The following CNTN4 variants were observed in gnomAD, a reference collection of about 807,000 sequenced individuals.
The protein encoded by CNTN4 is contactin 4.
A neutral mutation model predicts 122.5 loss-of-function variants in CNTN4; 77 were observed. That is an observed-to-expected ratio of 0.63 (90% CI 0.52 to 0.76). The LOEUF (loss-of-function observed/expected upper bound fraction) is 0.76. CNTN4 is among the 30% of genes least tolerant of loss of function. The probability of loss-of-function intolerance (pLI) is 0.00; values close to 1 mark genes in which losing one functional copy is unlikely to be tolerated. For missense variants in CNTN4, 1,256 were observed against 1,259.1 expected (o/e 1.00, Z 0.04); for synonymous variants, 512 against 447.0 (o/e 1.15, Z -1.83).
At chr3:2,417,689 C>T (rs2047466400) in intron 3 of CNTN4, among the ~76,000 whole-genome samples, 1 of 152,196 alleles carries the variant, frequency 6.6e-6, no homozygotes, top group African/African-American at 2.4e-5. Flanking sequence ...ACTGATGTTT[C>T]TAGCAGCTTT....
At chr3:2,538,551 A>G (rs1438420775) in intron 3 of CNTN4, among the ~76,000 whole-genome samples, 1 of 152,128 alleles carries the variant, frequency 6.6e-6, no homozygotes, top group African/African-American at 2.4e-5. Context: ...ATACATTAAT[A>G]TACTAACTTG....
chr3:2,710,598 G>C (rs539499284), intron 4 of CNTN4, among the ~76,000 whole-genome samples: 1 of 152,066 alleles, frequency 6.6e-6, no homozygotes, highest in African/African-American at 2.4e-5. Flanking sequence ...TATGGAGAAA[G>C]TGTCCAATCT....
intron 2 of CNTN4, among the ~76,000 whole-genome samples, chr3:2,307,988 A>G (rs2042780905): frequency 6.6e-6 from 1 of 152,132 alleles, no homozygotes; most frequent in Non-Finnish European, 1.5e-5. Flanking sequence ...GAAGAATTTC[A>G]ATAAACATTT....
intron 4 of CNTN4, among the ~76,000 whole-genome samples, chr3:2,611,787 C>G (rs1444262476): frequency 6.6e-6 from 1 of 152,092 alleles, no homozygotes; most frequent in Non-Finnish European, 1.5e-5. Context: ...AGGAGACTAG[C>G]CAAGATGTTT....
At chr3:2,801,655 G>A (rs1160055918) in intron 6 of CNTN4, among the ~76,000 whole-genome samples, 10 of 150,188 alleles carry the variant, frequency 6.7e-5, no homozygotes, top group African/African-American at 1.3e-4. Flanking sequence ...TATCATTGTC[G>A]TGATTAAGAA....
intron 2 of CNTN4, among the ~76,000 whole-genome samples, chr3:2,246,168 A>T (rs1055888512): frequency 2.6e-5 from 4 of 151,968 alleles, no homozygotes; most frequent in Admixed American, 6.6e-5. Flanking sequence ...TTTTAAAAAA[A>T]ATATCATACA....
At chr3:2,850,388 C>A (rs1276354919) in intron 7 of CNTN4, among the ~76,000 whole-genome samples, 2 of 152,298 alleles carry the variant, frequency 1.3e-5, no homozygotes, top group East Asian at 3.9e-4. Flanking sequence ...AGGATAGACT[C>A]TTCACTTTTT....
chr3:2,900,586 TTTA>T (rs146564552), intron 10 of CNTN4, 96 bp from the exon 11 acceptor site: 59,406 of 1,355,128 alleles, frequency 0.044, 1,493 homozygotes, highest in Non-Finnish European at 0.048. Context: ...GAAAAGGAAT[TTTA>T]TTATAAGTGT....
intron 6 of CNTN4, among the ~76,000 whole-genome samples, chr3:2,816,286 A>G (rs559017468): frequency 0.035 from 4,913 of 139,156 alleles, 660 homozygotes; most frequent in African/African-American, 0.16. Flanking sequence ...CCCAGGAGGC[A>G]GAGCTTGCAA....
At chr3:2,615,908 A>G (rs2081704984) in intron 4 of CNTN4, among the ~76,000 whole-genome samples, 1 of 152,170 alleles carries the variant, frequency 6.6e-6, no homozygotes, top group Non-Finnish European at 1.5e-5. Flanking sequence ...AATGGGATGA[A>G]TCAAGGATTA....
intron 3 of CNTN4, among the ~76,000 whole-genome samples, chr3:2,367,210 A>G (rs1435284427): frequency 6.6e-6 from 1 of 152,216 alleles, no homozygotes; most frequent in South Asian, 2.1e-4. Flanking sequence ...CAGAAGAAAA[A>G]AATGCTGGAC....
chr3:2,115,541 C>T (rs932715727), intron 2 of CNTN4, among the ~76,000 whole-genome samples: 1 of 152,214 alleles, frequency 6.6e-6, no homozygotes, highest in Non-Finnish European at 1.5e-5. Flanking sequence ...CTCTTGAGGC[C>T]TGTCCAGGAA....
intron 13 of CNTN4, among the ~76,000 whole-genome samples, chr3:2,955,028 AG>A (rs2094784450): frequency 6.6e-6 from 1 of 152,148 alleles, no homozygotes; most frequent in South Asian, 2.1e-4. Context: ...AATAGCAGCC[AG>A]GTTATCTGGC....
chr3:2,921,596 C>T (rs146768402), intron 12 of CNTN4, among the ~76,000 whole-genome samples: 2 of 152,182 alleles, frequency 1.3e-5, no homozygotes, highest in Admixed American at 6.5e-5. Context: ...AAATGCTGAA[C>T]TTCCAAAAAA....
chr3:2,797,483 A>G (rs533752467), intron 6 of CNTN4, among the ~76,000 whole-genome samples: 1 of 152,332 alleles, frequency 6.6e-6, no homozygotes, highest in African/African-American at 2.4e-5. Flanking sequence ...CTGTAATCCC[A>G]GCTACTCAGG....
chr3:3,044,558 C>T (rs1409645135), intron 23 of CNTN4, among the ~76,000 whole-genome samples: 3 of 152,188 alleles, frequency 2.0e-5, no homozygotes, highest in Non-Finnish European at 4.4e-5. Context: ...GGATTTCTTA[C>T]ATAGTTGTCA....
intron 2 of CNTN4, among the ~76,000 whole-genome samples, chr3:2,172,778 G>A (rs577737769): frequency 6.6e-6 from 1 of 152,210 alleles, no homozygotes; most frequent in East Asian, 1.9e-4. Context: ...CAAGTTAGAA[G>A]GCAATTAAAT....
At chr3:2,617,673 G>A (rs1021606384) in intron 4 of CNTN4, among the ~76,000 whole-genome samples, 2 of 151,694 alleles carry the variant, frequency 1.3e-5, no homozygotes, top group Non-Finnish European at 2.9e-5. Context: ...CGCCTGTCTC[G>A]GCCTCCCAAA....
chr3:2,230,350 T>C (rs2039438313), intron 2 of CNTN4, among the ~76,000 whole-genome samples: 1 of 152,182 alleles, frequency 6.6e-6, no homozygotes, highest in Non-Finnish European at 1.5e-5. Flanking sequence ...ATACGGTTGT[T>C]CAGATAGACA....
Sources: gnomAD v4.1 joint callset for allele counts (sites outside exome capture counted in the v4.1 genomes callset) on GRCh38, gnomAD v4.1.1 for gene constraint, MANE v1.5 for transcripts, NCBI Gene and HGNC (gene_info 2026-07-23, HGNC 2026-07-21) for gene names.